SOHLH1: variants seen among roughly 807,000 people sequenced by gnomAD.
SOHLH1 encodes the protein spermatogenesis and oogenesis specific basic helix-loop-helix 1, also known as spermatogenesis- and oogenesis-specific basic helix-loop-helix-containing protein 1.
A neutral mutation model predicts 36.2 loss-of-function variants in SOHLH1; 23 were observed. The observed-to-expected ratio is 0.64, with a 90% CI of 0.46 to 0.90. The LOEUF is 0.90. Ranked by LOEUF, SOHLH1 falls within the 40% of genes least tolerant of loss-of-function variation. The pLI is 0.00. For synonymous variants in SOHLH1, 289 were observed against 228.3 expected (o/e 1.27, Z -2.40); for missense variants, 608 against 517.0 (o/e 1.18, Z -1.71).
Position 135,697,644 on chromosome 9 carries a change from C to G in SOHLH1, c.346-17G>C, listed in dbSNP as rs756479657. The G allele has an allele frequency of 1.9e-6, 3 of 1,607,848 alleles. No homozygotes were observed. The highest frequency in any genetic ancestry group is 2.5e-6 in the Non-Finnish European group (3 of 1,177,286). ...AGCAAGAATCTGAAATTTAAGTAAA[C>G]ATGTAAAACAAAGACAGAGACAGTC... On this transcript the variant is annotated splice_polypyrimidine_tract_variant and intron_variant, in intron 3 of 7. Coordinates refer to ENST00000425225, the MANE Select transcript of SOHLH1 (RefSeq NM_001101677.2).
At chr9:135,696,494 G>A in intron 5 of SOHLH1, 118 bp downstream of exon 5, 3 of 1,160,348 alleles carry the variant, frequency 2.6e-6, no homozygotes, top group Non-Finnish European at 2.3e-6. Context: ...ACCAACACAA[G>A]GGCCTGGGAA....
At chr9:135,699,648 C>A, upstream of SOHLH1, 2 of 669,966 alleles carry the variant, frequency 3.0e-6, no homozygotes, top group Non-Finnish European at 5.3e-6. Context: ...CCGGGGCCCA[C>A]GTGACCCGCG....
chr9:135,694,539 G>A, intron 6 of SOHLH1, 82 bp from the exon 7 acceptor site: 2 of 1,556,282 alleles, frequency 1.3e-6, no homozygotes. Context: ...CCCAAGTCCT[G>A]CAAAGGCAGC....
intron 1 of SOHLH1, 133 bp downstream of exon 1, chr9:135,699,270 C>A: frequency 1.3e-6 from 2 of 1,493,806 alleles, no homozygotes; most frequent in East Asian, 4.9e-5. Context: ...CTCTCTGCAC[C>A]CCTTCCCCTC....
At chr9:135,696,892 G>T in intron 4 of SOHLH1, 87 bp from the exon 5 acceptor site, 4 of 1,449,548 alleles carry the variant, frequency 2.8e-6, no homozygotes, top group Non-Finnish European at 3.8e-6. Context: ...GCAGAGGGCT[G>T]GACCCATCCC....
intron 2 of SOHLH1, 35 bp from the exon 3 acceptor site, chr9:135,698,511 C>T: frequency 6.2e-7 from 1 of 1,612,710 alleles, no homozygotes; most frequent in East Asian, 2.2e-5. Flanking sequence ...CCTCTGGGCC[C>T]TCCTGCCCTC....
chr9:135,695,404 G>A (rs539454834), intron 5 of SOHLH1, 141 bp from the exon 6 acceptor site: 8 of 734,766 alleles, frequency 1.1e-5, no homozygotes, highest in African/African-American at 5.2e-5. Context: ...GCAGGGACAC[G>A]TGGGAGGAAG....
chr9:135,694,177 C>A (rs1233751223), intron 7 of SOHLH1: 22 of 1,438,590 alleles, frequency 1.5e-5, no homozygotes, highest in Non-Finnish European at 1.9e-5. Context: ...GCAGGCTCGT[C>A]CACATCACGT....
At chr9:135,697,990 C>T (rs1046782957) in intron 3 of SOHLH1, among the ~76,000 whole-genome samples, 1 of 151,914 alleles carries the variant, frequency 6.6e-6, no homozygotes, top group Non-Finnish European at 1.5e-5. Context: ...TGGAGACGTG[C>T]AGAGAAATGA....
chr9:135,699,447 C>T lies in SOHLH1; in HGVS notation c.21G>A (p.Glu7=), dbSNP rs756470958. The change falls in exon 1 of 8, where the codon GAG becomes GAA. Residue 7 remains glutamate, a synonymous_variant. Coordinates refer to ENST00000425225, the MANE Select transcript of SOHLH1 (RefSeq NM_001101677.2). ...GGATTCTGGAGACCTCCGGGTAGGG[C>T]TCGGAGCACCGGGACGCCATGAACT... MASRCS[E]PYPEVSRIPT... is the part of the protein sequence containing the mutation. 3 of 1,612,208 alleles carry T rather than the reference C, an allele frequency of 1.9e-6. No homozygotes were observed. The highest frequency in any genetic ancestry group is 2.7e-5 in the African/African-American group (2 of 74,912).
chr9:135,700,451 G>A (rs954401722), upstream of SOHLH1, among the ~76,000 whole-genome samples: 2 of 151,990 alleles, frequency 1.3e-5, no homozygotes, highest in Non-Finnish European at 2.9e-5. Context: ...AGGGTGGGGG[G>A]TGAGGCTGGA....
rs1490156838 is a variant in SOHLH1 at position 135,699,091 on chromosome 9, T to A, written c.101A>T (p.Asp34Val). The A allele has an allele frequency of 6.2e-7, 1 of 1,608,674 alleles. No individual in the cohort carries two copies. Among genetic ancestry groups the A allele is most frequent in the African/African-American group, 1.3e-5 (1 of 74,668 alleles). Residue 34 changes from aspartate to valine, a missense_variant, in exon 2 of 8, where the codon GAC becomes GTC. Coordinates refer to ENST00000425225, the MANE Select transcript of SOHLH1 (RefSeq NM_001101677.2). ...GGGCGGGCCCGAGCCCCGGGCCGAGTCCTCGCAGCAGGAGAGGGCACCAGA... is the reference window on the plus strand; with the variant it reads ...GGGCGGGCCCGAGCCCCGGGCCGAGACCTCGCAGCAGGAGAGGGCACCAGA... ...SLSGALSCCE[D>V]SARGSGPPKA...
chr9:135,694,061 T>A, intron 7 of SOHLH1: 1 of 1,426,714 alleles, frequency 7.0e-7, no homozygotes, highest in Non-Finnish European at 9.1e-7. Context: ...ACACGCCATG[T>A]CACAGGGCCA....
At chr9:135,699,306 G>A (rs951885820) in intron 1 of SOHLH1, 97 bp downstream of exon 1, 2 of 1,499,644 alleles carry the variant, frequency 1.3e-6, no homozygotes, top group African/African-American at 2.8e-5. Flanking sequence ...CTCCGCCCCA[G>A]GAGGCCCAGG....
At position 135,693,821 on chromosome 9, in the gene SOHLH1, G is replaced by A. The variant is rs1588228390; in HGVS notation, c.947-7C>T. Reference sequence around the variant, plus strand: ...CCTCGACCCTCCAGAGACCCTGGAAGCAAACAGGACACATCGGCAGGGCAG... The same window carrying A: ...CCTCGACCCTCCAGAGACCCTGGAAACAAACAGGACACATCGGCAGGGCAG... On this transcript the variant is annotated splice_region_variant and splice_polypyrimidine_tract_variant and intron_variant, in intron 7 of 7. Coordinates refer to ENST00000425225, the MANE Select transcript of SOHLH1 (RefSeq NM_001101677.2). The A allele has an allele frequency of 6.4e-7, 1 of 1,558,354 alleles. No individual in the cohort carries two copies. Among genetic ancestry groups the A allele is most frequent in the Non-Finnish European group, 8.7e-7 (1 of 1,149,188 alleles).
intron 1 of SOHLH1, 23 bp from the exon 2 acceptor site, chr9:135,699,149 C>G (rs1278249327): frequency 1.9e-6 from 3 of 1,577,764 alleles, no homozygotes; most frequent in Non-Finnish European, 2.6e-6. Flanking sequence ...CCAAGAGCAC[C>G]GGGCCCTGAG....
Position 135,699,069 on chromosome 9 carries a change from C to T in SOHLH1, c.123G>A (p.Pro41=), listed in dbSNP as rs778083451. ...CCTCGGCCACCGTAGGGGCCTTGGG[C>T]GGGCCCGAGCCCCGGGCCGAGTCCT... ...CCEDSARGSG[P]PKAPTVAEGP... Residue 41 remains proline, a synonymous_variant, in exon 2 of 8, where the codon CCG becomes CCA. Coordinates refer to ENST00000425225, the MANE Select transcript of SOHLH1 (RefSeq NM_001101677.2). The T allele has an allele frequency of 1.2e-6, 2 of 1,610,838 alleles. No individual in the cohort carries two copies.
chr9:135,700,529 A>G (rs945271726), upstream of SOHLH1, among the ~76,000 whole-genome samples: 14 of 150,844 alleles, frequency 9.3e-5, no homozygotes, highest in Non-Finnish European at 1.8e-4. Context: ...GGTGGGTGGC[A>G]GGGGCTCTCC....
upstream of SOHLH1, among the ~76,000 whole-genome samples, chr9:135,700,756 A>G (rs927907825): frequency 2.0e-5 from 3 of 152,128 alleles, no homozygotes; most frequent in Non-Finnish European, 4.4e-5. Context: ...CCTTGGCTGC[A>G]GGTCAGACAT....
Sources: allele counts gnomAD v4.1 joint callset (sites outside exome capture counted in the v4.1 genomes callset), GRCh38; gene constraint gnomAD v4.1.1; transcripts MANE v1.5; gene names NCBI Gene and HGNC (gene_info 2026-07-23, HGNC 2026-07-21).